Variants in SEMA5A observed in about 807,000 individuals in gnomAD.
The protein encoded by SEMA5A is semaphorin-5A.
Under a neutral mutation model 135.5 loss-of-function variants are expected in SEMA5A, and 55 were observed. That is an observed-to-expected ratio of 0.41 (90% CI 0.33 to 0.51). The LOEUF (loss-of-function observed/expected upper bound fraction) is 0.51. SEMA5A is among the 20% of genes least tolerant of loss of function. The pLI, the probability that SEMA5A is intolerant of heterozygous loss-of-function variation, is 0.37. For synonymous variants in SEMA5A, 580 were observed against 546.5 expected (o/e 1.06, Z -0.85); for missense variants, 1,290 against 1,419.9 (o/e 0.91, Z 1.47).
At chr5:9,057,416 A>C (rs1736952617) in intron 18 of SEMA5A, among the ~76,000 whole-genome samples, 1 of 152,212 alleles carries the variant, frequency 6.6e-6, no homozygotes. Context: ...GATATTCCAA[A>C]CAATATTTAT....
chr5:9,415,907 T>C (rs1757267969), intron 2 of SEMA5A, among the ~76,000 whole-genome samples: 1 of 152,206 alleles, frequency 6.6e-6, no homozygotes, highest in Non-Finnish European at 1.5e-5. Context: ...GACAACTTTC[T>C]TATTTGGGAC....
At chr5:9,140,090 A>C (rs1304319675) in intron 12 of SEMA5A, among the ~76,000 whole-genome samples, 1 of 152,208 alleles carries the variant, frequency 6.6e-6, no homozygotes, top group African/African-American at 2.4e-5. Context: ...CCCGTTATTC[A>C]AATGACATCC....
At position 9,371,310 on chromosome 5, in the gene SEMA5A, T is replaced by G. The variant is rs142303846; in HGVS notation, c.124+8513A>C. Among the ~76,000 whole-genome samples the G allele has an allele frequency of 3.2e-3, 492 of 152,296 alleles. 4 individuals are homozygous for G. The highest frequency in any genetic ancestry group is 0.011 in the African/African-American group (477 of 41,570). ...AATAAACCATTTTCGTCAGTCTAAT[T>G]ATTGCTTATAAAAATGCACAACAGG... On this transcript the variant is annotated intron_variant, in intron 3 of 22. Transcript: ENST00000382496.
chr5:9,507,779 C>T (rs574122537), intron 1 of SEMA5A, among the ~76,000 whole-genome samples: 88 of 152,046 alleles, frequency 5.8e-4, no homozygotes, highest in South Asian at 1.0e-3. Flanking sequence ...CCGAGGCGGG[C>T]GGATCACGAG....
At chr5:9,508,015 A>AAG (rs1296281666) in intron 1 of SEMA5A, among the ~76,000 whole-genome samples, 3 of 26,884 alleles carry the variant, frequency 1.1e-4, no homozygotes, top group African/African-American at 4.1e-4. Flanking sequence ...AAAAAAAAAA[A>AAG]AAGAAAAGAA....
chr5:9,273,935 C>T (rs973778402), intron 5 of SEMA5A, among the ~76,000 whole-genome samples: 8 of 152,042 alleles, frequency 5.3e-5, no homozygotes, highest in African/African-American at 9.7e-5. Flanking sequence ...CCTCAACTAA[C>T]GGGCAAAATA....
At chr5:9,272,699 G>A (rs998365150) in intron 5 of SEMA5A, among the ~76,000 whole-genome samples, 1 of 152,114 alleles carries the variant, frequency 6.6e-6, no homozygotes, top group East Asian at 1.9e-4. Context: ...TGCAGCCTTC[G>A]CTGGTGATAC....
Position 9,066,606 on chromosome 5 carries a change from T to G in SEMA5A, c.2114A>C (p.Lys705Thr). 6.2e-7 allele frequency: 1 copy of G among 1,614,176 alleles called. No individual in the cohort carries two copies. The highest frequency in any genetic ancestry group is 8.5e-7 in the Non-Finnish European group (1 of 1,180,036). ...CCAGGGTGTCCAGGGCGTGGTCTTC[T>G]TCAGCTCAGGACACGGGTTGGTGTT... ...SCNTNPCPEL[K>T]KTTPWTPWTP... is the part of the protein sequence containing the mutation. The change falls in exon 17 of 23, where the codon AAG (lysine) becomes ACG (threonine). Residue 705 changes from lysine (K) to threonine (T), a missense_variant. Physicochemically the swap from Lys to Thr is moderately conservative, Grantham distance 78 (BLOSUM62 -1). Coordinates refer to ENST00000382496, the MANE Select transcript of SEMA5A (RefSeq NM_003966.3).
chr5:9,496,742 G>T (rs1735323240), intron 1 of SEMA5A, among the ~76,000 whole-genome samples: 1 of 152,208 alleles, frequency 6.6e-6, no homozygotes, highest in African/African-American at 2.4e-5. Flanking sequence ...CCATCCTGGA[G>T]TATTCAATTA....
At chr5:9,297,308 T>C (rs1751387027) in intron 5 of SEMA5A, among the ~76,000 whole-genome samples, 1 of 152,144 alleles carries the variant, frequency 6.6e-6, no homozygotes, top group Non-Finnish European at 1.5e-5. Context: ...AGCTGTGGTG[T>C]GAATGACTGT....
At chr5:9,441,496 G>A (rs891386952) in intron 1 of SEMA5A, among the ~76,000 whole-genome samples, 12 of 151,918 alleles carry the variant, frequency 7.9e-5, no homozygotes, top group Non-Finnish European at 1.8e-4. Context: ...GGAGTTGGGT[G>A]GAAACCCCAC....
intron 6 of SEMA5A, among the ~76,000 whole-genome samples, chr5:9,230,010 G>A (rs1433198491): frequency 6.6e-6 from 1 of 152,078 alleles, no homozygotes; most frequent in African/African-American, 2.4e-5. Flanking sequence ...TTTGAGACAA[G>A]GGTTCACTCT....
intron 11 of SEMA5A, among the ~76,000 whole-genome samples, chr5:9,172,423 G>T (rs891229867): frequency 6.6e-6 from 1 of 152,070 alleles, no homozygotes; most frequent in African/African-American, 2.4e-5. Flanking sequence ...CTAAGGACAA[G>T]GTCAGATTTT....
chr5:9,089,153 A>G (rs1362109428), intron 16 of SEMA5A, among the ~76,000 whole-genome samples: 1 of 152,180 alleles, frequency 6.6e-6, no homozygotes, highest in Non-Finnish European at 1.5e-5. Context: ...TTGGCCAAGC[A>G]CTGGACACTT....
intron 13 of SEMA5A, among the ~76,000 whole-genome samples, chr5:9,125,529 T>C (rs1475562060): frequency 1.3e-5 from 2 of 152,176 alleles, no homozygotes; most frequent in Non-Finnish European, 2.9e-5. Flanking sequence ...CAATGTGTGA[T>C]GTTGCCCTCC....
chr5:9,292,516 T>A (rs1444557105), intron 5 of SEMA5A, among the ~76,000 whole-genome samples: 2 of 152,116 alleles, frequency 1.3e-5, no homozygotes, highest in East Asian at 3.9e-4. Flanking sequence ...AATACAGAAA[T>A]TGTAGTTAGG....
intron 11 of SEMA5A, among the ~76,000 whole-genome samples, chr5:9,183,249 G>A (rs748654059): frequency 2.6e-5 from 4 of 152,122 alleles, no homozygotes; most frequent in Non-Finnish European, 5.9e-5. Flanking sequence ...TACATGAGAA[G>A]CCTGCCCTTG....
At chr5:9,495,289 T>C (rs1735243200) in intron 1 of SEMA5A, among the ~76,000 whole-genome samples, 1 of 152,128 alleles carries the variant, frequency 6.6e-6, no homozygotes. Flanking sequence ...AGTTTCTGAA[T>C]AACAACGTCA....
rs554813092 is a variant in SEMA5A, at chr5:9,365,156, G to A, written c.124+14667C>T. On this transcript the variant is annotated intron_variant, in intron 3 of 22. Transcript: ENST00000382496. Reference sequence around the variant, plus strand: ...AATATACAGAACTGACAACACAGCTGAGGAGAAAGCTAAACTACCGTAGTA... The same window carrying A: ...AATATACAGAACTGACAACACAGCTAAGGAGAAAGCTAAACTACCGTAGTA... 1.5e-3 allele frequency among the ~76,000 whole-genome samples: 222 copies of A among 152,310 alleles called. 1 individual carries two copies. Among genetic ancestry groups the A allele is most frequent in the African/African-American group, 5.2e-3 (217 of 41,566 alleles).
Sources: gnomAD v4.1 joint callset for allele counts (sites outside exome capture counted in the v4.1 genomes callset) on GRCh38, gnomAD v4.1.1 for gene constraint, MANE v1.5 for transcripts, NCBI Gene and HGNC (gene_info 2026-07-23, HGNC 2026-07-21) for gene names.